Variants in SOCS5 observed in about 807,000 individuals in gnomAD.
SOCS5 encodes suppressor of cytokine signaling 5, also known as CIS-6.
Under a neutral mutation model 42.8 loss-of-function variants are expected in SOCS5, and 32 were observed. That is an observed-to-expected ratio of 0.75 (90% confidence interval 0.56 to 1.01). SOCS5 has a LOEUF of 1.01. Ranked by LOEUF, SOCS5 falls within the 50% of genes least tolerant of loss-of-function variation. SOCS5 has a pLI of 0.00. For synonymous variants in SOCS5, 283 were observed against 229.6 expected (o/e 1.23, Z -2.10); for missense variants, 627 against 653.0 (o/e 0.96, Z 0.43).
Position 46,703,775 on chromosome 2 carries a change from A to G in SOCS5, c.-13+4326A>G, listed in dbSNP as rs547328656. Among the ~76,000 whole-genome samples, 32 of 152,346 alleles carry G rather than the reference A, an allele frequency of 2.1e-4. 1 individual carries two copies. In the South Asian group the frequency reaches 5.6e-3, roughly 27 times the overall value. On this transcript the variant is annotated intron_variant, in intron 1 of 1. Coordinates refer to ENST00000394861, the MANE Select transcript of SOCS5 (RefSeq NM_144949.3). ...CAGTTGTTAGAGAATGAAAGAGGGA[A>G]AATATGAATTATTTGCATTGTCCAT...
At position 46,740,759 on chromosome 2, in the gene SOCS5, C is replaced by T. The variant is rs142122283; in HGVS notation, c.-12-17760C>T. On this transcript the variant is annotated intron_variant, in intron 1 of 1. Transcript: ENST00000394861. ...CTGCCTACTGCTCCTCTTGCTGCTT[C>T]CTAGGGAAGCTCTGGAACCAGACCC... Among the ~76,000 whole-genome samples the T allele has an allele frequency of 1.8e-3, 268 of 152,032 alleles. 1 individual carries two copies. The highest frequency in any genetic ancestry group is 3.6e-3 in the Admixed American group (55 of 15,276).
chr2:46,757,121 C>G (rs182275825), intron 1 of SOCS5, among the ~76,000 whole-genome samples: 2 of 152,126 alleles, frequency 1.3e-5, no homozygotes, highest in Non-Finnish European at 2.9e-5. Context: ...AGTCCAAGAG[C>G]CTTTTCTGTG....
intron 1 of SOCS5, among the ~76,000 whole-genome samples, chr2:46,727,378 G>A (rs1338346166): frequency 6.6e-6 from 1 of 152,098 alleles, no homozygotes; most frequent in Non-Finnish European, 1.5e-5. Flanking sequence ...CATGCAAGTT[G>A]ATATTTTCTG....
At chr2:46,707,081 T>A (rs1672510674) in intron 1 of SOCS5, among the ~76,000 whole-genome samples, 1 of 152,062 alleles carries the variant, frequency 6.6e-6, no homozygotes, top group African/African-American at 2.4e-5. Flanking sequence ...AAAATTTAGG[T>A]GGCAGGACTA....
intron 1 of SOCS5, among the ~76,000 whole-genome samples, chr2:46,702,426 G>T (rs1367029278): frequency 6.6e-6 from 1 of 152,144 alleles, no homozygotes; most frequent in Non-Finnish European, 1.5e-5. Flanking sequence ...TACTGTTTCT[G>T]AATGTCATTG....
intron 1 of SOCS5, among the ~76,000 whole-genome samples, chr2:46,744,125 G>A (rs1171761188): frequency 6.6e-6 from 1 of 152,012 alleles, no homozygotes; most frequent in African/African-American, 2.4e-5. Flanking sequence ...TAGTAGCTGG[G>A]ATTACAGGCA....
chr2:46,754,772 A>G (rs756539296), intron 1 of SOCS5, among the ~76,000 whole-genome samples: 7 of 152,210 alleles, frequency 4.6e-5, no homozygotes, highest in Non-Finnish European at 2.9e-5. Context: ...ATAATAATAG[A>G]TCCTGTCACA....
chr2:46,734,476 C>A (rs906177373), intron 1 of SOCS5, among the ~76,000 whole-genome samples: 8 of 152,074 alleles, frequency 5.3e-5, no homozygotes, highest in African/African-American at 1.9e-4. Flanking sequence ...TACAGTTATA[C>A]AATAATTCAT....
chr2:46,759,985 G>C lies in SOCS5; in HGVS notation c.1455G>C (p.Gln485His). ...ATAGGACTTTCCCTTTTAGCCTGCA[G>C]TATATCTGTCGCGCGGTAATCTGCA... ...SLNRTFPFSL[Q>H]YICRAVICRC... Residue 485 changes from glutamine to histidine, a missense_variant, in exon 2 of 2, where the codon CAG (glutamine) becomes CAC (histidine). Transcript: ENST00000394861. The C allele has an allele frequency of 6.2e-7, 1 of 1,614,158 alleles. No individual in the cohort carries two copies. Among genetic ancestry groups the C allele is most frequent in the Non-Finnish European group, 8.5e-7 (1 of 1,180,022 alleles).
intron 1 of SOCS5, among the ~76,000 whole-genome samples, chr2:46,708,913 G>T (rs1298247742): frequency 8.1e-6 from 1 of 123,290 alleles, no homozygotes; most frequent in Non-Finnish European, 1.6e-5. Flanking sequence ...TTTGAGATAG[G>T]GTCTCGCTCT....
chr2:46,711,830 C>T (rs1027435810), intron 1 of SOCS5, among the ~76,000 whole-genome samples: 2 of 152,108 alleles, frequency 1.3e-5, no homozygotes, highest in Admixed American at 1.3e-4. Context: ...CTAATTGTTC[C>T]AACACAGTAT....
intron 1 of SOCS5, among the ~76,000 whole-genome samples, chr2:46,702,149 C>G (rs1382177838): frequency 6.6e-6 from 1 of 152,062 alleles, no homozygotes; most frequent in Non-Finnish European, 1.5e-5. Context: ...CTGTGCCTAC[C>G]TACTACATAG....
intron 1 of SOCS5, among the ~76,000 whole-genome samples, chr2:46,734,215 A>G (rs1673191418): frequency 6.6e-6 from 1 of 152,222 alleles, no homozygotes; most frequent in African/African-American, 2.4e-5. Flanking sequence ...GAAAACTAAA[A>G]TTTACAAAAA....
Position 46,712,518 on chromosome 2 carries a change from A to G in SOCS5, c.-13+13069A>G, listed in dbSNP as rs560956762. On this transcript the variant is annotated intron_variant, in intron 1 of 1. Transcript: ENST00000394861. ...GCCACCACGCCCAGATAATTTTTGT[A>G]TTTTTAGTAAAGACAGGGTTTCACC... Among the ~76,000 whole-genome samples the G allele has an allele frequency of 9.9e-5, 15 of 151,860 alleles. No homozygotes were observed. The East Asian group carries it at 2.9e-3, about 29-fold the overall frequency.
chr2:46,711,044 A>T (rs1480870631), intron 1 of SOCS5, among the ~76,000 whole-genome samples: 3 of 152,244 alleles, frequency 2.0e-5, no homozygotes, highest in African/African-American at 7.2e-5. Flanking sequence ...GTATTCCATT[A>T]TATGAATATT....
chr2:46,742,173 A>G (rs779790517), intron 1 of SOCS5, among the ~76,000 whole-genome samples: 9 of 152,198 alleles, frequency 5.9e-5, no homozygotes, highest in Admixed American at 1.3e-4. Flanking sequence ...CCAAGTATAC[A>G]TCTGATTTGT....
chr2:46,750,451 C>G (rs1558412050), intron 1 of SOCS5, among the ~76,000 whole-genome samples: 1 of 151,934 alleles, frequency 6.6e-6, no homozygotes, highest in East Asian at 1.9e-4. Context: ...TAATTTGGTT[C>G]TGTGTCTTCT....
chr2:46,701,405 A>G (rs887944182), intron 1 of SOCS5, among the ~76,000 whole-genome samples: 6 of 152,184 alleles, frequency 3.9e-5, no homozygotes, highest in African/African-American at 1.4e-4. Context: ...AGGGTAGACC[A>G]TGGAGATGAT....
In SOCS5 at chr2:46,755,169, CTG is replaced by C. The variant is rs1572848239; in HGVS notation, c.-12-3348_-12-3347del. Among the ~76,000 whole-genome samples the C allele has an allele frequency of 2.6e-5, 4 of 152,234 alleles. No homozygotes were observed. The South Asian group carries it at 8.3e-4, about 32-fold the overall frequency. ...ATGGCATTCAGCATTAAGAATATAACTGTTATGTTATAACTGTATATTTTAAC... is the reference window on the plus strand; with the variant it reads ...ATGGCATTCAGCATTAAGAATATAACTTATGTTATAACTGTATATTTTAAC... On this transcript the variant is annotated intron_variant, in intron 1 of 1. Transcript: ENST00000394861.
Sources: gnomAD v4.1 joint callset for allele counts (sites outside exome capture counted in the v4.1 genomes callset) on GRCh38, gnomAD v4.1.1 for gene constraint, MANE v1.5 for transcripts, NCBI Gene and HGNC (gene_info 2026-07-23, HGNC 2026-07-21) for gene names.